The following KIF7 variants were observed in gnomAD, a reference collection of about 807,000 sequenced individuals.
KIF7 encodes the protein kinesin-like protein KIF7.
In KIF7, 104 loss-of-function variants were observed where a neutral mutation model predicts 135.7. The observed-to-expected ratio is 0.77, with a 90% CI of 0.65 to 0.90. The LOEUF (loss-of-function observed/expected upper bound fraction) is 0.90. Among genes scored for constraint, KIF7 ranks in the 40% least tolerant of loss-of-function variants. The pLI is 0.00. For synonymous variants in KIF7, 883 were observed against 809.4 expected, an observed-to-expected ratio of 1.09 and a Z score of -1.54; for missense variants, 2,005 against 1,839.1, an observed-to-expected ratio of 1.09 and a Z score of -1.65.
chr15:89,644,987 A>T (rs1299181966), intron 10 of KIF7, 26 bp downstream of exon 10: 8 of 1,605,892 alleles, frequency 5.0e-6, no homozygotes, highest in Non-Finnish European at 6.8e-6. Flanking sequence ...CTCGGGTGAG[A>T]GGCCCACCTG....
At position 89,648,272 on chromosome 15, in the gene KIF7, C is replaced by T; in HGVS notation, c.1426G>A (p.Gly476Arg). The T allele has an allele frequency of 6.6e-7, 1 of 1,519,086 alleles. No homozygotes were observed. Among genetic ancestry groups the T allele is most frequent in the Non-Finnish European group, 8.8e-7 (1 of 1,136,616 alleles). 94.1% of individuals were successfully genotyped at this position (1,519,086 alleles called of 1,614,324 possible). A position where few individuals can be genotyped will look rare whatever the true frequency, so the allele number is the denominator to read the frequency against. Residue 476 changes from glycine to arginine, a missense_variant, in exon 5 of 19, where the codon GGG becomes AGG. By Grantham distance (125) the Gly-to-Arg change is moderately radical (BLOSUM62 -2). Transcript: ENST00000394412. ...SASVEDQAAQGAGGRKEDEGA... is the reference protein window; with the variant it reads ...SASVEDQAAQRAGGRKEDEGA... ...TCGGCCACCTTTCGCCCGCCGGCCC[C>T]CTGCGCCGCCTGGTCCTCGACGGAG...
rs752512443 is a variant in KIF7, at chr15:89,652,745, G to A, written c.186C>T (p.Ala62=). Residue 62 remains alanine (A), a synonymous_variant, in exon 2 of 19, where the codon GCC becomes GCT. Coordinates refer to ENST00000394412, the MANE Select transcript of KIF7 (RefSeq NM_198525.3). ...ACACGGCCTCCTGCCCCGCATCCTC[G>A]GCCAGCACCACGTGGAAGCCAAAGT... ...DRHFGFHVVL[A]EDAGQEAVYQ... is the part of the protein sequence containing the mutation. The A allele has an allele frequency of 6.4e-6, 10 of 1,551,566 alleles. No homozygotes were observed. The highest frequency in any genetic ancestry group is 1.4e-5 in the African/African-American group (1 of 73,064).
In KIF7 at chr15:89,628,853, C is replaced by T; in HGVS notation, c.3665-67G>A. 9 of 1,611,000 alleles carry T rather than the reference C, an allele frequency of 5.6e-6. No homozygotes were observed. The East Asian group carries it at 6.7e-5, about 12-fold the overall frequency. On this transcript the variant is annotated intron_variant, in intron 18 of 18. Coordinates refer to ENST00000394412, the MANE Select transcript of KIF7 (RefSeq NM_198525.3). ...AACACCTTCCCGAAGCCCTAGCTCC[C>T]CAGTGCCCCAGCACAATAAGCAACC... is the stretch of plus-strand genomic sequence containing the variant.
chr15:89,626,853 C>T, downstream of KIF7: 2 of 1,326,416 alleles, frequency 1.5e-6, no homozygotes, highest in South Asian at 2.7e-5. Flanking sequence ...TGCTGATTTT[C>T]TTAAAGTCTG....
At chr15:89,621,278 C>A in intron 1 of KIF7, 1 of 1,093,318 alleles carries the variant, frequency 9.1e-7, no homozygotes. Flanking sequence ...GTCTCGGCCT[C>A]CCAAAGTGCT....
chr15:89,619,474 C>T (rs891656234), intron 1 of KIF7, among the ~76,000 whole-genome samples: 1 of 152,104 alleles, frequency 6.6e-6, no homozygotes, highest in Non-Finnish European at 1.5e-5. Flanking sequence ...GTAAATAAGA[C>T]TTCTGAAGGT....
chr15:89,649,919 C>T lies in KIF7; in HGVS notation c.351G>A (p.Gln117=), dbSNP rs1042584257. 54 of 1,551,402 alleles carry T rather than the reference C, an allele frequency of 3.5e-5. No homozygotes were observed. Among genetic ancestry groups the T allele is most frequent in the Non-Finnish European group, 4.6e-5 (53 of 1,146,990 alleles). Residue 117 remains glutamine (Q), a synonymous_variant, in exon 3 of 19, where the codon CAG becomes CAA. Transcript: ENST00000394412. ...CGGCCATGGCCCTCGGGACAATGCCCTGCTCATCCTCAAGGAGGGAGGCTG... is the reference window on the plus strand; with the variant it reads ...CGGCCATGGCCCTCGGGACAATGCCTTGCTCATCCTCAAGGAGGGAGGCTG... ...ASVASLLEDE[Q]GIVPRAMAEA... is the part of the protein sequence containing the mutation.
chr15:89,641,348 T>C (rs1314168872), intron 11 of KIF7, among the ~76,000 whole-genome samples: 1 of 152,146 alleles, frequency 6.6e-6, no homozygotes, highest in Admixed American at 6.5e-5. Context: ...CCTCCAGAGC[T>C]GGGAGAAACT....
chr15:89,619,690 G>A (rs766682960), intron 1 of KIF7: 17 of 1,596,388 alleles, frequency 1.1e-5, no homozygotes, highest in Non-Finnish European at 1.4e-5. Context: ...GTTACTTACT[G>A]TGGTTCTGAT....
Position 89,628,754 on chromosome 15 carries a change from T to G in KIF7, c.3697A>C (p.Arg1233=). The stretch of plus-strand genomic sequence containing the variant: ...TCATCTTCATTTCCAGGAGCCTGTC[T>G]GCCCTCCGAGCACAGGCTCCTCTTC... ...GEKRSLCSEG[R]QAPGNEDELH... Residue 1233 remains arginine (R), a synonymous_variant, in exon 19 of 19, where the codon AGA becomes CGA. Transcript: ENST00000394412. 6.2e-7 allele frequency: 1 copy of G among 1,612,506 alleles called. No homozygotes were observed. The highest frequency in any genetic ancestry group is 8.5e-7 in the Non-Finnish European group (1 of 1,179,966).
At chr15:89,626,209 T>TC, downstream of KIF7, 1 of 812,750 alleles carries the variant, frequency 1.2e-6, no homozygotes, top group South Asian at 2.0e-5. Context: ...TGTGTGCCCT[T>TC]CCCAGAGAAA....
intron 11 of KIF7, 71 bp from the exon 12 acceptor site, chr15:89,633,954 A>C: frequency 1.3e-6 from 2 of 1,555,046 alleles, no homozygotes; most frequent in Non-Finnish European, 1.8e-6. Flanking sequence ...CTGGGCACTC[A>C]ACAAGGGCAG....
At chr15:89,624,328 C>G, downstream of KIF7, 1 of 1,614,182 alleles carries the variant, frequency 6.2e-7, no homozygotes, top group Non-Finnish European at 8.5e-7. Flanking sequence ...AGAACTGGAT[C>G]AGAAAGAGCC....
chr15:89,661,559 T>G, the KIF7 span, among the ~76,000 whole-genome samples: 1 of 152,094 alleles, frequency 6.6e-6, no homozygotes, highest in African/African-American at 2.4e-5. Flanking sequence ...TAGTATATCC[T>G]AGATGGGGAG....
At chr15:89,645,815 G>T in intron 8 of KIF7, 78 bp downstream of exon 8, 1 of 1,543,522 alleles carries the variant, frequency 6.5e-7, no homozygotes, top group Non-Finnish European at 8.7e-7. Context: ...CAGGAGAGGA[G>T]ACGGTGCGAT....
intron 11 of KIF7, among the ~76,000 whole-genome samples, chr15:89,636,820 C>T (rs1342971580): frequency 1.4e-5 from 2 of 147,648 alleles, no homozygotes; most frequent in East Asian, 3.9e-4. Context: ...AGCTCTGCAC[C>T]AAGCGGACCT....
At position 89,633,129 on chromosome 15, in the gene KIF7, G is replaced by A. The variant is rs751230760; in HGVS notation, c.2718+12C>T. On this transcript the variant is annotated intron_variant, in intron 13 of 18. Coordinates refer to ENST00000394412, the MANE Select transcript of KIF7 (RefSeq NM_198525.3). The stretch of plus-strand genomic sequence containing the variant: ...CAGGGGAGCCCTGGGTGCGGACACA[G>A]CCTGGCCCCACCTGCTGCTGTTCCA... 1.2e-6 allele frequency: 2 copies of A among 1,602,002 alleles called. No homozygotes were observed. Among genetic ancestry groups the A allele is most frequent in the East Asian group, 4.5e-5 (2 of 44,866 alleles).
intron 10 of KIF7, among the ~76,000 whole-genome samples, chr15:89,643,473 A>G (rs1446012112): frequency 2.6e-5 from 4 of 152,220 alleles, no homozygotes; most frequent in African/African-American, 9.6e-5. Context: ...CCAATCCCAC[A>G]TAGATATCAA....
intron 5 of KIF7, among the ~76,000 whole-genome samples, chr15:89,647,920 C>T (rs1254031336): frequency 6.6e-6 from 1 of 152,206 alleles, no homozygotes; most frequent in African/African-American, 2.4e-5. Context: ...TGTAATTATC[C>T]ATCGTATTTG....
Sources: allele counts gnomAD v4.1 joint callset (sites outside exome capture counted in the v4.1 genomes callset), GRCh38; gene constraint gnomAD v4.1.1; transcripts MANE v1.5; gene names NCBI Gene and HGNC (gene_info 2026-07-23, HGNC 2026-07-21).